The following RIMS2 variants were observed in gnomAD, a reference collection of about 807,000 sequenced individuals.
RIMS2 encodes regulating synaptic membrane exocytosis 2, also known as regulating synaptic membrane exocytosis protein 2.
Under a neutral mutation model 174.4 loss-of-function variants are expected in RIMS2, and 59 were observed. The ratio of observed to expected loss-of-function variants is 0.34; its 90% CI spans 0.27 to 0.42. The LOEUF (loss-of-function observed/expected upper bound fraction) is 0.42. RIMS2 is among the 10% of genes least tolerant of loss of function. RIMS2 has a pLI of 1.00. For missense variants in RIMS2, 1,620 were observed against 1,666.3 expected, an observed-to-expected ratio of 0.97 and a Z score of 0.48; for synonymous variants, 606 against 572.5, an observed-to-expected ratio of 1.06 and a Z score of -0.84.
intron 4 of RIMS2, among the ~76,000 whole-genome samples, chr8:103,892,448 C>A (rs1029034221): frequency 2.0e-5 from 3 of 151,876 alleles, no homozygotes; most frequent in Non-Finnish European, 4.4e-5. Flanking sequence ...CAGCAATCCT[C>A]CTGCCTCAGC....
At chr8:103,789,693 A>G (rs1250353862) in intron 3 of RIMS2, among the ~76,000 whole-genome samples, 1 of 148,040 alleles carries the variant, frequency 6.8e-6, no homozygotes, top group Non-Finnish European at 1.5e-5. Context: ...GACTTTGCTT[A>G]TATTATTCTT....
chr8:103,758,229 C>A (rs540873249), intron 2 of RIMS2, among the ~76,000 whole-genome samples: 104 of 152,272 alleles, frequency 6.8e-4, no homozygotes, highest in African/African-American at 2.4e-3. Context: ...TTAATAATTT[C>A]ATGATTGCCT....
chr8:103,942,956 T>G, intron 14 of RIMS2, 30 bp downstream of exon 16: 5 of 1,558,922 alleles, frequency 3.2e-6, no homozygotes, highest in Non-Finnish European at 4.4e-6. Context: ...TTTCATATTT[T>G]TATTGTATTT....
At chr8:104,189,078 T>C (rs976303097) in intron 19 of RIMS2, among the ~76,000 whole-genome samples, 5 of 151,988 alleles carry the variant, frequency 3.3e-5, no homozygotes, top group Admixed American at 1.3e-4. Context: ...TCAAATTATT[T>C]TGTGTATTTC....
At position 103,635,444 on chromosome 8, in the gene RIMS2, C is replaced by T. The variant is rs191154131; in HGVS notation, c.177-61642C>T. Among the ~76,000 whole-genome samples the T allele has an allele frequency of 2.2e-3, 340 of 152,302 alleles. 1 individual carries two copies. The highest frequency in any genetic ancestry group is 8.0e-3 in the African/African-American group (331 of 41,564). The stretch of plus-strand genomic sequence containing the variant: ...GAGGAGATATGGGAATGGGCACCGA[C>T]ATAACACTCTGGCCACTTTTCCATA... On this transcript the variant is annotated intron_variant, in intron 1 of 23. Transcript: ENST00000504942.
intron 4 of RIMS2, among the ~76,000 whole-genome samples, chr8:103,899,381 C>A (rs559835214): frequency 1.3e-4 from 19 of 151,720 alleles, no homozygotes; most frequent in Non-Finnish European, 2.4e-4. Flanking sequence ...TCTCCAGCAC[C>A]TGTTGTTTCC....
intron 1 of RIMS2, among the ~76,000 whole-genome samples, chr8:103,542,184 A>G (rs1312925981): frequency 2.0e-5 from 3 of 152,162 alleles, no homozygotes; most frequent in Non-Finnish European, 4.4e-5. Context: ...CAGAAACACA[A>G]AAGATCATAA....
intron 1 of RIMS2, among the ~76,000 whole-genome samples, chr8:103,625,081 T>A (rs2095747788): frequency 1.3e-5 from 2 of 152,190 alleles, no homozygotes. Context: ...TCTTTCTTGT[T>A]CATCCTGCTA....
intron 3 of RIMS2, among the ~76,000 whole-genome samples, chr8:103,857,347 A>G (rs1406576718): frequency 6.6e-6 from 1 of 152,218 alleles, no homozygotes; most frequent in Non-Finnish European, 1.5e-5. Context: ...AATCAGTTGC[A>G]TATTGTAATG....
chr8:103,535,644 A>G (rs1197170709), intron 1 of RIMS2, among the ~76,000 whole-genome samples: 1 of 152,212 alleles, frequency 6.6e-6, no homozygotes, highest in Non-Finnish European at 1.5e-5. Flanking sequence ...CTGTGGGGCA[A>G]CAATTTGGTG....
At chr8:103,765,462 A>G (rs1000173791) in intron 2 of RIMS2, among the ~76,000 whole-genome samples, 10 of 152,180 alleles carry the variant, frequency 6.6e-5, no homozygotes, top group African/African-American at 2.4e-4. Flanking sequence ...ATGTGAATAT[A>G]CTTACTGCTA....
intron 2 of RIMS2, among the ~76,000 whole-genome samples, chr8:103,721,528 CTT>C (rs2097448545): frequency 1.3e-5 from 2 of 152,092 alleles, no homozygotes; most frequent in Admixed American, 6.6e-5. Context: ...TTTAAAATGA[CTT>C]TCAGTTTGGC....
At chr8:103,579,842 A>G (rs1313289310) in intron 1 of RIMS2, among the ~76,000 whole-genome samples, 2 of 152,192 alleles carry the variant, frequency 1.3e-5, no homozygotes, top group Non-Finnish European at 1.5e-5. Flanking sequence ...GCCTCAGGAA[A>G]CTTATAATCA....
chr8:103,719,080 G>T (rs1591033310), intron 2 of RIMS2, among the ~76,000 whole-genome samples: 1 of 151,954 alleles, frequency 6.6e-6, no homozygotes, highest in African/African-American at 2.4e-5. Context: ...TGAGTTATAA[G>T]AAAGTCTTTG....
At chr8:103,698,753 A>T (rs373880926) in intron 2 of RIMS2, among the ~76,000 whole-genome samples, 1 of 152,226 alleles carries the variant, frequency 6.6e-6, no homozygotes, top group East Asian at 1.9e-4. Context: ...CGACAGACAC[A>T]TGCCATGGTG....
At chr8:104,251,372 G>A (rs772163155) in intron 23 of RIMS2, among the ~76,000 whole-genome samples, 10 of 152,074 alleles carry the variant, frequency 6.6e-5, no homozygotes, top group South Asian at 4.1e-4. Context: ...CCCACCACAC[G>A]TAAATTCCAG....
At chr8:103,623,267 A>G (rs948897695) in intron 1 of RIMS2, among the ~76,000 whole-genome samples, 20 of 152,222 alleles carry the variant, frequency 1.3e-4, no homozygotes, top group African/African-American at 4.3e-4. Flanking sequence ...AATGGGGAGT[A>G]CAATAGCTAC....
chr8:103,895,431 G>A (rs1387425984), intron 4 of RIMS2, among the ~76,000 whole-genome samples: 2 of 151,418 alleles, frequency 1.3e-5, no homozygotes, highest in African/African-American at 4.9e-5. Context: ...TCTTTTTGCT[G>A]TATCCTTACA....
At chr8:103,640,793 T>C (rs925839480) in intron 1 of RIMS2, among the ~76,000 whole-genome samples, 2 of 152,108 alleles carry the variant, frequency 1.3e-5, no homozygotes, top group Non-Finnish European at 2.9e-5. Flanking sequence ...TCTTGGTGTA[T>C]GTTCCCTGGG....
Sources: allele counts gnomAD v4.1 joint callset (sites outside exome capture counted in the v4.1 genomes callset), GRCh38; gene constraint gnomAD v4.1.1; transcripts MANE v1.5; gene names NCBI Gene and HGNC (gene_info 2026-07-23, HGNC 2026-07-21).